Variants in EFCAB11 observed in about 807,000 individuals in gnomAD.
EFCAB11 encodes EF-hand calcium binding domain 11.
EFCAB11 carries 14 observed loss-of-function variants against 23.0 expected under a neutral mutation model. The ratio of observed to expected loss-of-function variants is 0.61; its 90% confidence interval spans 0.40 to 0.95. EFCAB11 has a LOEUF of 0.95. EFCAB11 is among the 40% of genes least tolerant of loss of function. The pLI is 0.00. For synonymous variants in EFCAB11, 65 were observed against 66.6 expected, an observed-to-expected ratio of 0.98 and a Z score of 0.11; for missense variants, 198 against 195.8, an observed-to-expected ratio of 1.01 and a Z score of -0.07.
At chr14:89,813,025 A>G (rs1222722390) in intron 5 of EFCAB11, among the ~76,000 whole-genome samples, 1 of 152,246 alleles carries the variant, frequency 6.6e-6, no homozygotes, top group African/African-American at 2.4e-5. Context: ...AAATGGGCAA[A>G]TGGTATGAAT....
intron 5 of EFCAB11, among the ~76,000 whole-genome samples, chr14:89,809,828 T>C (rs924205124): frequency 3.3e-5 from 5 of 152,098 alleles, no homozygotes; most frequent in African/African-American, 1.2e-4. Flanking sequence ...GACCACCTCT[T>C]TAAAAGAGGA....
At chr14:89,897,602 C>T (rs928933455) in intron 5 of EFCAB11, among the ~76,000 whole-genome samples, 29 of 152,178 alleles carry the variant, frequency 1.9e-4, no homozygotes, top group South Asian at 2.1e-4. Context: ...GAGGAGTGTG[C>T]GGGTATATGT....
intron 5 of EFCAB11, among the ~76,000 whole-genome samples, chr14:89,860,581 G>A (rs1230565528): frequency 6.6e-6 from 1 of 152,164 alleles, no homozygotes; most frequent in African/African-American, 2.4e-5. Context: ...GCTACTGTTA[G>A]AAAATGTTTG....
intron 5 of EFCAB11, chr14:89,836,998 G>A (rs1490160901): frequency 2.2e-6 from 1 of 455,236 alleles, no homozygotes; most frequent in Non-Finnish European, 4.4e-6. Context: ...CTCCAGCCTG[G>A]GCGACAGAGC....
intron 5 of EFCAB11, among the ~76,000 whole-genome samples, chr14:89,861,962 T>G (rs758993673): frequency 8.5e-5 from 13 of 152,228 alleles, no homozygotes; most frequent in Non-Finnish European, 1.9e-4. Context: ...CAAACCAAAT[T>G]TAATTCTTTG....
intron 5 of EFCAB11, among the ~76,000 whole-genome samples, chr14:89,840,161 AAT>A (rs1290506616): frequency 4.6e-5 from 7 of 152,344 alleles, no homozygotes. Context: ...CAAGTTTCTC[AAT>A]ATGAGAAATC....
chr14:89,948,383 T>C (rs891704600), intron 3 of EFCAB11, among the ~76,000 whole-genome samples: 1 of 152,202 alleles, frequency 6.6e-6, no homozygotes, highest in Non-Finnish European at 1.5e-5. Context: ...AAACTGCTGG[T>C]AGGCATGTAA....
chr14:89,802,483 C>T (rs937511534), intron 5 of EFCAB11, among the ~76,000 whole-genome samples: 3 of 152,114 alleles, frequency 2.0e-5, no homozygotes, highest in Non-Finnish European at 2.9e-5. Flanking sequence ...CCTCTGCCTC[C>T]CAGAATCAAG....
At chr14:89,916,422 T>C (rs1286568910) in intron 5 of EFCAB11, among the ~76,000 whole-genome samples, 1 of 152,220 alleles carries the variant, frequency 6.6e-6, no homozygotes, top group Non-Finnish European at 1.5e-5. Context: ...AAAACTACTG[T>C]GACAATTTTG....
intron 3 of EFCAB11, among the ~76,000 whole-genome samples, chr14:89,945,196 C>T (rs1890936967): frequency 6.6e-6 from 1 of 151,666 alleles, no homozygotes; most frequent in Non-Finnish European, 1.5e-5. Context: ...TCTTGTTTGT[C>T]CTCTTTTCAA....
At chr14:89,842,652 C>T (rs971970126) in intron 5 of EFCAB11, among the ~76,000 whole-genome samples, 7 of 146,546 alleles carry the variant, frequency 4.8e-5, no homozygotes, top group African/African-American at 1.6e-4. Flanking sequence ...AATATAATGT[C>T]CCTCTCGTGT....
chr14:89,802,499 C>T (rs1272371035), intron 5 of EFCAB11, among the ~76,000 whole-genome samples: 1 of 152,148 alleles, frequency 6.6e-6, no homozygotes, highest in Non-Finnish European at 1.5e-5. Flanking sequence ...TCAAGTGATT[C>T]TCCTGCCTCA....
intron 5 of EFCAB11, among the ~76,000 whole-genome samples, chr14:89,819,781 G>A (rs537973102): frequency 1.3e-5 from 2 of 152,088 alleles, no homozygotes; most frequent in East Asian, 1.9e-4. Context: ...ATATTTGACT[G>A]TAGTGATATT....
intron 5 of EFCAB11, among the ~76,000 whole-genome samples, chr14:89,916,708 C>A (rs72697336): frequency 0.094 from 14,355 of 152,186 alleles, 823 homozygotes; most frequent in South Asian, 0.21. Flanking sequence ...TAAATTTTTA[C>A]AAGGAGAGAA....
intron 3 of EFCAB11, among the ~76,000 whole-genome samples, chr14:89,940,023 C>T (rs1416605421): frequency 1.3e-5 from 2 of 152,204 alleles, no homozygotes; most frequent in South Asian, 2.1e-4. Context: ...AGGCGTGAGC[C>T]ACCGTGCCCA....
chr14:89,820,411 T>A (rs1367983485), intron 5 of EFCAB11, among the ~76,000 whole-genome samples: 1 of 152,006 alleles, frequency 6.6e-6, no homozygotes, highest in African/African-American at 2.4e-5. Context: ...TCCACTCTTC[T>A]CCATTCCACC....
chr14:89,878,203 T>C (rs1301586844), intron 5 of EFCAB11, among the ~76,000 whole-genome samples: 1 of 152,194 alleles, frequency 6.6e-6, no homozygotes, highest in African/African-American at 2.4e-5. Context: ...ATCCTTTCAT[T>C]AGATGACCCC....
intron 5 of EFCAB11, among the ~76,000 whole-genome samples, chr14:89,881,384 C>CATCAAT (rs1888590960): frequency 1.4e-5 from 2 of 139,136 alleles, no homozygotes; most frequent in Admixed American, 1.5e-4. Context: ...ACTCTCTACC[C>CATCAAT]ATCAATAAAA....
rs191830269 is a variant in EFCAB11, at chr14:89,868,620, G to A, written c.410+62921C>T. Among the ~76,000 whole-genome samples, 3 of 152,298 alleles carry A rather than the reference G, an allele frequency of 2.0e-5. No individual in the cohort carries two copies. In the East Asian group the frequency reaches 5.8e-4, roughly 29 times the overall value. On this transcript the variant is annotated intron_variant, in intron 5 of 5. Coordinates refer to ENST00000316738, the MANE Select transcript of EFCAB11 (RefSeq NM_145231.4). Reference sequence around the variant, plus strand: ...ATGTGGCCAGCCTTCTGTACCTGGAGGAGGCCAGTTCTGGCTACTTTTACA... The same window carrying A: ...ATGTGGCCAGCCTTCTGTACCTGGAAGAGGCCAGTTCTGGCTACTTTTACA...
Sources: allele counts gnomAD v4.1 joint callset (sites outside exome capture counted in the v4.1 genomes callset), GRCh38; gene constraint gnomAD v4.1.1; transcripts MANE v1.5; gene names NCBI Gene and HGNC (gene_info 2026-07-23, HGNC 2026-07-21).